RGS17: variants seen among roughly 807,000 people sequenced by gnomAD.
RGS17 encodes regulator of G-protein signaling 17.
A neutral mutation model predicts 25.5 loss-of-function variants in RGS17; 12 were observed. The ratio of observed to expected loss-of-function variants is 0.47; its 90% CI spans 0.30 to 0.76. The LOEUF is 0.76. RGS17 is among the 30% of genes least tolerant of loss of function. RGS17 has a pLI of 0.07. For missense variants in RGS17, 196 were observed against 242.2 expected (o/e 0.81, Z 1.27); for synonymous variants, 71 against 76.9 (o/e 0.92, Z 0.40).
At position 153,043,501 on chromosome 6, in the gene RGS17, A is replaced by AC. The variant is rs1205219272; in HGVS notation, c.119+398_119+399insG. 8.5e-5 allele frequency among the ~76,000 whole-genome samples: 13 copies of AC among 152,050 alleles called. No homozygotes were observed. The East Asian group carries it at 2.3e-3, about 27-fold the overall frequency. ...CAGCAGAGAACTAAAAAAAAAAAAA[A>AC]ACACATGCAATACTACATGCAATAT... On this transcript the variant is annotated intron_variant, in intron 2 of 4. Coordinates refer to ENST00000206262, the MANE Select transcript of RGS17 (RefSeq NM_012419.5).
intron 1 of RGS17, among the ~76,000 whole-genome samples, chr6:153,127,616 T>C (rs749192168): frequency 5.3e-5 from 8 of 152,304 alleles, no homozygotes; most frequent in Non-Finnish European, 1.2e-4. Context: ...GCTCTTCACA[T>C]CCATATCTGC....
chr6:153,025,687 CATATATATAAAA>C (rs1779293166), intron 3 of RGS17, among the ~76,000 whole-genome samples: 1 of 126,120 alleles, frequency 7.9e-6, no homozygotes, highest in African/African-American at 3.0e-5. Context: ...TATATATAAA[CATATATATAAAA>C]ACATATATAT....
At chr6:153,023,541 C>A in intron 4 of RGS17, 1 of 232,904 alleles carries the variant, frequency 4.3e-6, no homozygotes. Context: ...TTTAAACAGT[C>A]AATGGAAAAG....
intron 1 of RGS17, among the ~76,000 whole-genome samples, chr6:153,105,666 G>A (rs1777369385): frequency 6.6e-6 from 1 of 151,538 alleles, no homozygotes; most frequent in African/African-American, 2.4e-5. Context: ...ATGAAGGCAG[G>A]TAAAACATCT....
intron 4 of RGS17, 114 bp from the exon 5 acceptor site, chr6:153,011,876 C>CA (rs1391783691): frequency 9.8e-6 from 7 of 712,030 alleles, no homozygotes; most frequent in East Asian, 2.8e-5. Context: ...ATCCAACTAC[C>CA]AAAAGTCTTG....
At chr6:153,056,185 T>G (rs9371663) in intron 1 of RGS17, among the ~76,000 whole-genome samples, 57,692 of 152,022 alleles carry the variant, frequency 0.38, 11,572 homozygotes, top group East Asian at 0.62. Context: ...TGTTCAATTC[T>G]GCTCACTACA....
At chr6:153,048,341 T>G (rs1235031810) in intron 1 of RGS17, among the ~76,000 whole-genome samples, 2 of 152,184 alleles carry the variant, frequency 1.3e-5, no homozygotes, top group Non-Finnish European at 2.9e-5. Flanking sequence ...AATGTGAGAC[T>G]TCTTAACTGG....
chr6:153,066,318 G>T (rs754808819), intron 1 of RGS17, among the ~76,000 whole-genome samples: 2 of 152,074 alleles, frequency 1.3e-5, no homozygotes, highest in Non-Finnish European at 2.9e-5. Context: ...AATGTAAGTT[G>T]GTGGGAACAA....
chr6:153,049,307 CA>C (rs1365343516), intron 1 of RGS17, among the ~76,000 whole-genome samples: 1 of 152,014 alleles, frequency 6.6e-6, no homozygotes, highest in Non-Finnish European at 1.5e-5. Flanking sequence ...AAAACCAAAA[CA>C]GTAACTGGTA....
Position 153,026,642 on chromosome 6 carries a change from A to G in RGS17, c.120-99T>C. Reference sequence around the variant, plus strand: ...GGAAACATTTCACAGGAGATCTTATATTCAACTATGTGAGAATATTTAAAG... The same window carrying G: ...GGAAACATTTCACAGGAGATCTTATGTTCAACTATGTGAGAATATTTAAAG... On this transcript the variant is annotated intron_variant, in intron 2 of 4. Transcript: ENST00000206262. 3.7e-6 allele frequency: 3 copies of G among 816,866 alleles called. No homozygotes were observed. The South Asian group carries it at 5.1e-5, about 14-fold the overall frequency. The allele number at this position is 816,866 out of a possible 1,614,324, so 50.6% of individuals were successfully genotyped here. A position where few individuals can be genotyped will look rare whatever the true frequency, so the allele number is the denominator to read the frequency against.
chr6:153,042,304 A>C (rs1467337129), intron 2 of RGS17, among the ~76,000 whole-genome samples: 5 of 152,200 alleles, frequency 3.3e-5, no homozygotes, highest in Non-Finnish European at 7.3e-5. Context: ...ATCTCATTTG[A>C]ATTGTAGCTC....
At chr6:153,099,989 G>A (rs943214823) in intron 1 of RGS17, among the ~76,000 whole-genome samples, 3 of 152,038 alleles carry the variant, frequency 2.0e-5, no homozygotes, top group African/African-American at 7.2e-5. Context: ...CAAATCAAGG[G>A]CTATATTTAG....
intron 1 of RGS17, among the ~76,000 whole-genome samples, chr6:153,048,619 GCCT>G (rs1382869831): frequency 6.6e-6 from 1 of 152,034 alleles, no homozygotes; most frequent in Non-Finnish European, 1.5e-5. Flanking sequence ...AATCACAATG[GCCT>G]CCTTGCTGCT....
In RGS17 at chr6:153,007,123, C is replaced by T. The variant is rs1007538132; in HGVS notation, c.*4451G>A. The T allele has an allele frequency of 1.3e-5, 2 of 152,116 alleles. No homozygotes were observed. Among genetic ancestry groups the T allele is most frequent in the East Asian group, 1.9e-4 (1 of 5,182 alleles). 9.4% of individuals were successfully genotyped at this position (152,116 alleles called of 1,614,324 possible). On this transcript the variant is annotated 3_prime_UTR_variant, in exon 5 of 5. Coordinates refer to ENST00000206262, the MANE Select transcript of RGS17 (RefSeq NM_012419.5). The stretch of plus-strand genomic sequence containing the variant: ...TTACTTGGGGCTGGAGAGGACTACA[C>T]CTGTAAGAGTAATAATTTCAAAAAT...
rs58779961 is a variant in RGS17, at chr6:153,130,483, T to TAC, written c.-26+639_-26+640dup. Among the ~76,000 whole-genome samples, 13,017 of 146,136 alleles carry TAC rather than the reference T, an allele frequency of 0.089. 590 individuals are homozygous for TAC. The highest frequency in any genetic ancestry group is 0.15 in the Admixed American group (2,202 of 14,758). On this transcript the variant is annotated intron_variant, in intron 1 of 4. Coordinates refer to ENST00000206262, the MANE Select transcript of RGS17 (RefSeq NM_012419.5). The surrounding 1 kb of genome is among the most constrained non-coding windows in gnomAD (Gnocchi z 6.4). ...CCCACCCCCTATACATACATACACATACACACACACACACACACACACACA... is the reference window on the plus strand; with the variant it reads ...CCCACCCCCTATACATACATACACATACACACACACACACACACACACACACA...
At chr6:153,129,356 A>G (rs1197737310) in intron 1 of RGS17, among the ~76,000 whole-genome samples, 1 of 152,196 alleles carries the variant, frequency 6.6e-6, no homozygotes, top group Non-Finnish European at 1.5e-5. Flanking sequence ...TCACCCTTCC[A>G]TTAGATAGGA....
chr6:153,119,771 T>A (rs1253794921), intron 1 of RGS17, among the ~76,000 whole-genome samples: 1 of 152,232 alleles, frequency 6.6e-6, no homozygotes, highest in Non-Finnish European at 1.5e-5. Flanking sequence ...ATGCTATTCC[T>A]AAGGTAACAA....
intron 1 of RGS17, among the ~76,000 whole-genome samples, chr6:153,054,100 A>ATG (rs1554238287): frequency 2.1e-5 from 2 of 95,358 alleles, no homozygotes; most frequent in African/African-American, 4.4e-5. Flanking sequence ...TTTTATATAT[A>ATG]TATATATATA....
intron 1 of RGS17, among the ~76,000 whole-genome samples, chr6:153,048,544 A>T (rs902109780): frequency 2.0e-5 from 3 of 152,204 alleles, no homozygotes; most frequent in African/African-American, 4.8e-5. Context: ...TGAAGTTCTT[A>T]CAGTCTGCTT....
Sources: gnomAD v4.1 joint callset for allele counts (sites outside exome capture counted in the v4.1 genomes callset) on GRCh38, gnomAD v4.1.1 for gene constraint, Gnocchi (gnomAD v3.1) non-coding constraint, MANE v1.5 for transcripts, NCBI Gene and HGNC (gene_info 2026-07-23, HGNC 2026-07-21) for gene names.